The following TRPM3 variants were observed in gnomAD, a reference collection of about 807,000 sequenced individuals.
TRPM3 encodes long transient receptor potential channel 3.
TRPM3 carries 77 observed loss-of-function variants against 181.2 expected under a neutral mutation model. That is an observed-to-expected ratio of 0.42 (90% CI 0.35 to 0.51). TRPM3 has a LOEUF of 0.51. TRPM3 is among the 20% of genes least tolerant of loss of function. The probability of loss-of-function intolerance (pLI) is 0.01; values close to 1 mark genes in which losing one functional copy is unlikely to be tolerated. For synonymous variants in TRPM3, 745 were observed against 796.4 expected (o/e 0.94, Z 1.09); for missense variants, 1,759 against 2,196.7 (o/e 0.80, Z 3.98).
intron 1 of TRPM3, among the ~76,000 whole-genome samples, chr9:71,040,391 G>A (rs1206636237): frequency 6.6e-6 from 1 of 152,196 alleles, no homozygotes; most frequent in Non-Finnish European, 1.5e-5. Flanking sequence ...TTTCTCAGCA[G>A]TGCCAGCCCC....
intron 1 of TRPM3, among the ~76,000 whole-genome samples, chr9:71,217,619 A>C (rs999530137): frequency 2.6e-5 from 4 of 152,178 alleles, no homozygotes; most frequent in Admixed American, 6.5e-5. Context: ...AAATGGAAAA[A>C]CTTTGCCATC....
chr9:70,737,700 C>T (rs1704086242), intron 8 of TRPM3, among the ~76,000 whole-genome samples: 1 of 148,114 alleles, frequency 6.8e-6, no homozygotes, highest in African/African-American at 2.5e-5. Context: ...AAATGGACAC[C>T]AAAAGCGACA....
At chr9:70,888,362 G>GTGT (rs2096128792) in intron 1 of TRPM3, among the ~76,000 whole-genome samples, 1 of 143,730 alleles carries the variant, frequency 7.0e-6, no homozygotes, top group Non-Finnish European at 1.5e-5. Context: ...TTTATTTTGG[G>GTGT]GTGTGTGTGT....
chr9:70,594,263 GT>G (rs1290055479), intron 21 of TRPM3, among the ~76,000 whole-genome samples: 1 of 152,088 alleles, frequency 6.6e-6, no homozygotes, highest in Non-Finnish European at 1.5e-5. Context: ...GTGAAACAAT[GT>G]GGTAAGTTCT....
At chr9:71,303,192 C>A (rs114725264) in intron 1 of TRPM3, among the ~76,000 whole-genome samples, 5 of 152,018 alleles carry the variant, frequency 3.3e-5, no homozygotes, top group South Asian at 2.1e-4. Context: ...GGAGATGGGA[C>A]AAAATAACCC....
At chr9:71,265,290 A>G (rs1025161867) in intron 1 of TRPM3, among the ~76,000 whole-genome samples, 1 of 152,200 alleles carries the variant, frequency 6.6e-6, no homozygotes, top group Non-Finnish European at 1.5e-5. Context: ...AGCCAAATAG[A>G]CTATCTGAAT....
chr9:71,080,261 G>A (rs533854189), intron 1 of TRPM3, among the ~76,000 whole-genome samples: 66 of 152,044 alleles, frequency 4.3e-4, no homozygotes, highest in African/African-American at 1.6e-3. Flanking sequence ...TAATTGGAAC[G>A]AGACAACAGT....
intron 1 of TRPM3, among the ~76,000 whole-genome samples, chr9:71,253,612 T>C (rs901743971): frequency 2.0e-5 from 3 of 152,174 alleles, no homozygotes; most frequent in African/African-American, 7.2e-5. Context: ...AGAAACTGTT[T>C]TGGTACAGCC....
intron 1 of TRPM3, among the ~76,000 whole-genome samples, chr9:71,223,377 G>A (rs568616350): frequency 6.6e-6 from 1 of 152,258 alleles, no homozygotes; most frequent in South Asian, 2.1e-4. Context: ...TAAAAGCCTT[G>A]AGGCCCTGAA....
chr9:71,013,084 A>G (rs146559617), intron 1 of TRPM3, among the ~76,000 whole-genome samples: 1 of 152,252 alleles, frequency 6.6e-6, no homozygotes, highest in African/African-American at 2.4e-5. Context: ...ACACAGGTCT[A>G]TACATGAGAG....
At chr9:71,374,211 T>TA (rs2092606756) in intron 1 of TRPM3, among the ~76,000 whole-genome samples, 1 of 151,826 alleles carries the variant, frequency 6.6e-6, no homozygotes, top group Admixed American at 6.6e-5. Flanking sequence ...CCATCTCTAC[T>TA]AAAAATACAA....
chr9:70,874,441 G>A (rs969254575), intron 1 of TRPM3, among the ~76,000 whole-genome samples: 2 of 151,888 alleles, frequency 1.3e-5, no homozygotes, highest in Non-Finnish European at 2.9e-5. Context: ...AAAGTTATAC[G>A]TCAGCCATAG....
At chr9:70,765,249 G>C (rs1177854222) in intron 7 of TRPM3, among the ~76,000 whole-genome samples, 2 of 152,142 alleles carry the variant, frequency 1.3e-5, no homozygotes, top group African/African-American at 2.4e-5. Flanking sequence ...GATGATAAGG[G>C]GGAACACTAA....
At chr9:70,600,118 T>G (rs1401086420) in intron 20 of TRPM3, among the ~76,000 whole-genome samples, 2 of 152,178 alleles carry the variant, frequency 1.3e-5, no homozygotes, top group Admixed American at 6.5e-5. Context: ...GTCTATGAAA[T>G]GCACAGCTGG....
At chr9:71,085,173 A>T (rs2065061524) in intron 1 of TRPM3, among the ~76,000 whole-genome samples, 1 of 152,078 alleles carries the variant, frequency 6.6e-6, no homozygotes, top group Non-Finnish European at 1.5e-5. Flanking sequence ...AAACTACAAG[A>T]ATACTAGAAG....
chr9:71,159,163 A>T (rs902602819), intron 1 of TRPM3, among the ~76,000 whole-genome samples: 3 of 151,026 alleles, frequency 2.0e-5, no homozygotes, highest in Non-Finnish European at 4.4e-5. Flanking sequence ...CATGTATCCA[A>T]TTGGTTTTAC....
intron 1 of TRPM3, among the ~76,000 whole-genome samples, chr9:70,876,328 A>C (rs1364146737): frequency 6.9e-6 from 1 of 144,960 alleles, no homozygotes; most frequent in Non-Finnish European, 1.5e-5. Context: ...TATATATATA[A>C]ACTTTAAATA....
intron 1 of TRPM3, among the ~76,000 whole-genome samples, chr9:71,406,799 C>T (rs970403435): frequency 1.3e-5 from 2 of 152,058 alleles, no homozygotes; most frequent in Non-Finnish European, 2.9e-5. Context: ...GACAGTATTG[C>T]TCGAGGGATC....
chr9:71,351,883 T>G (rs1188216155), intron 1 of TRPM3, among the ~76,000 whole-genome samples: 4 of 79,148 alleles, frequency 5.1e-5, no homozygotes, highest in South Asian at 7.7e-4. Flanking sequence ...TTTGTTTTTT[T>G]TTTTTTTTTT....
Sources: gnomAD v4.1 joint callset for allele counts (sites outside exome capture counted in the v4.1 genomes callset) on GRCh38, gnomAD v4.1.1 for gene constraint, MANE v1.5 for transcripts, NCBI Gene and HGNC (gene_info 2026-07-23, HGNC 2026-07-21) for gene names.